Variants in STRADB observed in about 807,000 individuals in gnomAD.
STRADB encodes STE20-related kinase adapter protein beta.
STRADB carries 34 observed loss-of-function variants against 52.1 expected under a neutral mutation model. That is an observed-to-expected ratio of 0.65 (90% CI 0.50 to 0.87). STRADB has a LOEUF of 0.87. Ranked by LOEUF, STRADB falls within the 40% of genes least tolerant of loss-of-function variation. STRADB has a pLI of 0.00. For missense variants in STRADB, 340 were observed against 483.9 expected (o/e 0.70, Z 2.79); for synonymous variants, 133 against 174.5 (o/e 0.76, Z 1.87).
intron 2 of STRADB, among the ~76,000 whole-genome samples, chr2:201,456,506 T>C (rs1189413132): frequency 6.6e-6 from 1 of 152,254 alleles, no homozygotes; most frequent in African/African-American, 2.4e-5. Context: ...ATATCGTTAA[T>C]GATTGTAACT....
intron 5 of STRADB, among the ~76,000 whole-genome samples, chr2:201,473,699 T>TAAATAGTCACA (rs1254745384): frequency 6.6e-6 from 1 of 152,152 alleles, no homozygotes; most frequent in African/African-American, 2.4e-5. Context: ...AGTCCCATCC[T>TAAATAGTCACA]AAATAGTCAC....
intron 1 of STRADB, among the ~76,000 whole-genome samples, chr2:201,453,009 G>A (rs113080744): frequency 0.026 from 3,914 of 152,034 alleles, 174 homozygotes; most frequent in African/African-American, 0.09. Flanking sequence ...AGAGCATGCC[G>A]GAGAAAATTA....
intron 11 of STRADB, 124 bp downstream of exon 11, chr2:201,479,655 A>G: frequency 1.0e-6 from 1 of 994,188 alleles, no homozygotes. Flanking sequence ...GTTACAAAAT[A>G]AAGTTAAAAA....
intron 6 of STRADB, 144 bp downstream of exon 6, chr2:201,474,899 T>C: frequency 1.5e-6 from 1 of 654,082 alleles, no homozygotes; most frequent in South Asian, 2.3e-5. Flanking sequence ...TTTCTATATC[T>C]GGTACATGTT....
At chr2:201,465,996 C>T (rs1392593840) in intron 3 of STRADB, among the ~76,000 whole-genome samples, 1 of 152,206 alleles carries the variant, frequency 6.6e-6, no homozygotes, top group East Asian at 1.9e-4. Flanking sequence ...CTGCTCAGTG[C>T]CTCTTTCAGT....
At chr2:201,472,792 G>A in intron 4 of STRADB, 163 bp from the exon 5 acceptor site, 1 of 572,048 alleles carries the variant, frequency 1.7e-6, no homozygotes, top group Non-Finnish European at 2.8e-6. Flanking sequence ...TTTTTTAATT[G>A]GATTGCTTGA....
chr2:201,459,431 G>A (rs747430333), intron 3 of STRADB, among the ~76,000 whole-genome samples: 1 of 152,082 alleles, frequency 6.6e-6, no homozygotes, highest in Non-Finnish European at 1.5e-5. Context: ...CCAACTCATG[G>A]TATTTCCTAC....
rs560979521 is a variant in STRADB at position 201,456,969 on chromosome 2, T to C, written c.13-1815T>C. Reference sequence around the variant, plus strand: ...TAGAGACTTGGACTTAAGGTTTTTATTGGGGACTTGTCACGTAGGCGTGCT... The same window carrying C: ...TAGAGACTTGGACTTAAGGTTTTTACTGGGGACTTGTCACGTAGGCGTGCT... On this transcript the variant is annotated intron_variant, in intron 2 of 11. Coordinates refer to ENST00000194530, the MANE Select transcript of STRADB (RefSeq NM_018571.6). Among the ~76,000 whole-genome samples, 40 of 152,326 alleles carry C rather than the reference T, an allele frequency of 2.6e-4. No homozygotes were observed. In the South Asian group the frequency reaches 7.9e-3, roughly 30 times the overall value.
At chr2:201,465,082 C>G (rs1952278842) in intron 3 of STRADB, among the ~76,000 whole-genome samples, 1 of 152,192 alleles carries the variant, frequency 6.6e-6, no homozygotes, top group Non-Finnish European at 1.5e-5. Flanking sequence ...GCTTGGTGCT[C>G]TAGCCTACTG....
At chr2:201,473,803 A>G (rs1390606322) in intron 5 of STRADB, among the ~76,000 whole-genome samples, 1 of 152,102 alleles carries the variant, frequency 6.6e-6, no homozygotes, top group African/African-American at 2.4e-5. Flanking sequence ...ATTGCATTTC[A>G]GGTATCTTAT....
chr2:201,462,637 G>C (rs953437692), intron 3 of STRADB, among the ~76,000 whole-genome samples: 2 of 152,010 alleles, frequency 1.3e-5, no homozygotes, highest in African/African-American at 4.8e-5. Flanking sequence ...GACACTGATT[G>C]CAAAAACAAA....
At chr2:201,465,805 C>G (rs1253727402) in intron 3 of STRADB, among the ~76,000 whole-genome samples, 1 of 152,218 alleles carries the variant, frequency 6.6e-6, no homozygotes, top group African/African-American at 2.4e-5. Flanking sequence ...GGTGATTCCC[C>G]TCTGGCTAAG....
At chr2:201,452,055 C>T (rs1018972709) in intron 1 of STRADB, 117 bp downstream of exon 1, 1 of 152,256 alleles carries the variant, frequency 6.6e-6, no homozygotes, top group South Asian at 2.1e-4. Context: ...CGCGCTAGCC[C>T]ACCTCCAGCC....
In STRADB at chr2:201,460,398, A is replaced by G. The variant is rs141202096; in HGVS notation, c.93+1534A>G. ...TCTTTGTGTTATAAACATTCCAATT[A>G]TACTTTCAGTTATTTTAAAATGTAT... is the stretch of plus-strand genomic sequence containing the variant. On this transcript the variant is annotated intron_variant, in intron 3 of 11. Transcript: ENST00000194530. Among the ~76,000 whole-genome samples the G allele has an allele frequency of 3.0e-4, 46 of 152,348 alleles. No homozygotes were observed. In the East Asian group the frequency reaches 8.7e-3, roughly 29 times the overall value.
rs373424546 is a variant in STRADB at position 201,468,781 on chromosome 2, TA to T, written c.94-1166del. Among the ~76,000 whole-genome samples, 43 of 152,318 alleles carry T rather than the reference TA, an allele frequency of 2.8e-4. No homozygotes were observed. The East Asian group carries it at 5.8e-3, about 20-fold the overall frequency. On this transcript the variant is annotated intron_variant, in intron 3 of 11. Transcript: ENST00000194530. ...GACAGGCTTACAGGTTGATATCACT[TA>T]AAAAATTTTTAAAGCTGTTATATGT...
rs751149795 is a variant in STRADB at position 201,480,188 on chromosome 2, ATT to A, written c.*16_*17del. On this transcript the variant is annotated 3_prime_UTR_variant, in exon 12 of 12. Transcript: ENST00000194530. ...CTGGGAATTCTAGGGCTGCCAAATC[ATT>A]TTATGTCCTATATACTTGACACTTT... 1 of 1,613,300 alleles carries A rather than the reference ATT, an allele frequency of 6.2e-7. No homozygotes were observed.
intron 3 of STRADB, among the ~76,000 whole-genome samples, chr2:201,469,726 T>C (rs1235963353): frequency 6.6e-6 from 1 of 152,228 alleles, no homozygotes; most frequent in Non-Finnish European, 1.5e-5. Flanking sequence ...CCTTGCTATC[T>C]GTAAATCTGC....
At chr2:201,465,647 TCCAAG>T (rs1342004698) in intron 3 of STRADB, among the ~76,000 whole-genome samples, 1 of 152,180 alleles carries the variant, frequency 6.6e-6, no homozygotes, top group East Asian at 1.9e-4. Context: ...GTCCACTGGC[TCCAAG>T]CCCAGCACAG....
chr2:201,471,480 C>T (rs1050640595), intron 4 of STRADB, among the ~76,000 whole-genome samples: 10 of 152,164 alleles, frequency 6.6e-5, no homozygotes, highest in Admixed American at 5.2e-4. Flanking sequence ...ACAATAATAG[C>T]ATCTAACAGG....
Sources: gnomAD v4.1 joint callset for allele counts (sites outside exome capture counted in the v4.1 genomes callset) on GRCh38, gnomAD v4.1.1 for gene constraint, MANE v1.5 for transcripts, NCBI Gene and HGNC (gene_info 2026-07-23, HGNC 2026-07-21) for gene names.